The following CACNA1E variants were observed in gnomAD, a reference collection of about 807,000 sequenced individuals.
CACNA1E encodes the protein voltage-dependent R-type calcium channel subunit alpha-1E.
In CACNA1E, 40 loss-of-function variants were observed where a neutral mutation model predicts 259.2. The observed-to-expected ratio is 0.15, with a 90% confidence interval of 0.12 to 0.20. The LOEUF is 0.20. Among genes scored for constraint, CACNA1E ranks in the 10% least tolerant of loss-of-function variants. CACNA1E has a pLI of 1.00. For synonymous variants in CACNA1E, 1,104 were observed against 1,138.5 expected, an observed-to-expected ratio of 0.97 and a Z score of 0.61; for missense variants, 1,874 against 3,040.1, an observed-to-expected ratio of 0.62 and a Z score of 9.02.
chr1:181,418,828 A>G (rs1238487746), intron 2 of CACNA1E, among the ~76,000 whole-genome samples: 1 of 151,768 alleles, frequency 6.6e-6, no homozygotes, highest in African/African-American at 2.4e-5. Flanking sequence ...AGCACCTTTT[A>G]TTATTTTTAT....
chr1:181,465,609 T>C (rs1662106187), intron 2 of CACNA1E, among the ~76,000 whole-genome samples: 1 of 152,208 alleles, frequency 6.6e-6, no homozygotes, highest in Non-Finnish European at 1.5e-5. Context: ...TATAATCTAA[T>C]AGTTAACCTA....
At chr1:181,406,949 C>T (rs1158829167) in intron 1 of CACNA1E, among the ~76,000 whole-genome samples, 1 of 152,160 alleles carries the variant, frequency 6.6e-6, no homozygotes. Context: ...AGAAAACTGA[C>T]CTAGAGAAGT....
Position 181,802,001 on chromosome 1 carries a change from T to A in CACNA1E, c.*3167T>A, listed in dbSNP as rs1370895173. ...ATTTCACTTAAGGCTCCAGACAGACTCCAGGTAGGGAATGCATGCTGTCTC... is the reference window on the plus strand; with the variant it reads ...ATTTCACTTAAGGCTCCAGACAGACACCAGGTAGGGAATGCATGCTGTCTC... On this transcript the variant is annotated 3_prime_UTR_variant, in exon 48 of 48. Transcript: ENST00000367573. 6.6e-6 allele frequency: 1 copy of A among 152,184 alleles called. No homozygotes were observed. Among genetic ancestry groups the A allele is most frequent in the Non-Finnish European group, 1.5e-5 (1 of 68,046 alleles). The allele number at this position is 152,184 out of a possible 1,614,324, so 9.4% of individuals were successfully genotyped here.
chr1:181,387,210 G>A (rs893265284), intron 1 of CACNA1E, among the ~76,000 whole-genome samples: 1 of 152,122 alleles, frequency 6.6e-6, no homozygotes, highest in Non-Finnish European at 1.5e-5. Flanking sequence ...GTGAGGTGGA[G>A]GGAGTTCTCA....
intron 23 of CACNA1E, 90 bp downstream of exon 23, chr1:181,737,744 G>T (rs1051125071): frequency 6.6e-7 from 1 of 1,512,704 alleles, no homozygotes; most frequent in East Asian, 2.3e-5. Flanking sequence ...TGGTAGCAAG[G>T]TTTCTGGGGA....
intron 3 of CACNA1E, among the ~76,000 whole-genome samples, chr1:181,525,071 G>A (rs1183388311): frequency 6.6e-6 from 1 of 152,198 alleles, no homozygotes; most frequent in Non-Finnish European, 1.5e-5. Context: ...TGCCCCCAAG[G>A]AACTTTAAGT....
At chr1:181,696,033 G>A (rs4652673) in intron 7 of CACNA1E, among the ~76,000 whole-genome samples, 104,010 of 151,916 alleles carry the variant, frequency 0.68, 35,741 homozygotes, top group East Asian at 0.79. Flanking sequence ...ATATCTTTGC[G>A]AATTCAGGCG....
intron 1 of CACNA1E, among the ~76,000 whole-genome samples, chr1:181,497,407 T>A (rs1195446081): frequency 6.6e-6 from 1 of 152,220 alleles, no homozygotes; most frequent in Non-Finnish European, 1.5e-5. Context: ...CTTTTTATCT[T>A]ACCTTCGTGT....
intron 7 of CACNA1E, among the ~76,000 whole-genome samples, chr1:181,657,946 A>G (rs758103969): frequency 8.5e-5 from 13 of 152,218 alleles, no homozygotes; most frequent in Non-Finnish European, 1.5e-4. Context: ...TACAACTCCA[A>G]TGTGCACCTT....
At chr1:181,748,483 C>T (rs933608714) in intron 25 of CACNA1E, among the ~76,000 whole-genome samples, 2 of 152,112 alleles carry the variant, frequency 1.3e-5, no homozygotes, top group Non-Finnish European at 2.9e-5. Flanking sequence ...ATGAGCATGA[C>T]CTCTGAGAAC....
intron 1 of CACNA1E, among the ~76,000 whole-genome samples, chr1:181,388,752 G>A (rs1656040592): frequency 1.3e-5 from 2 of 152,142 alleles, no homozygotes; most frequent in Non-Finnish European, 2.9e-5. Flanking sequence ...TTAGCTGGAT[G>A]TGGTGGTGCA....
chr1:181,734,391 T>C (rs1291859706), intron 21 of CACNA1E, among the ~76,000 whole-genome samples: 1 of 151,346 alleles, frequency 6.6e-6, no homozygotes, highest in Non-Finnish European at 1.5e-5. Flanking sequence ...AAAAAAGCAC[T>C]TCCCCACCCC....
intron 3 of CACNA1E, among the ~76,000 whole-genome samples, chr1:181,525,739 A>G (rs545587284): frequency 9.2e-5 from 14 of 152,336 alleles, no homozygotes; most frequent in Admixed American, 8.5e-4. Flanking sequence ...CAACAAATAG[A>G]GTCAGTAGTA....
intron 2 of CACNA1E, among the ~76,000 whole-genome samples, chr1:181,470,708 A>G (rs1289843308): frequency 1.3e-5 from 2 of 152,180 alleles, no homozygotes; most frequent in African/African-American, 4.8e-5. Flanking sequence ...CAAAGCCTAC[A>G]GTTCCCAGGT....
At chr1:181,775,160 A>T (rs1659867890) in intron 37 of CACNA1E, among the ~76,000 whole-genome samples, 1 of 152,192 alleles carries the variant, frequency 6.6e-6, no homozygotes. Context: ...ATACCATTTT[A>T]TTGGTTTTGA....
chr1:181,377,959 A>G (rs961314706), intron 1 of CACNA1E, among the ~76,000 whole-genome samples: 4 of 152,240 alleles, frequency 2.6e-5, no homozygotes, highest in South Asian at 4.1e-4. Context: ...CAACATATAG[A>G]CATAAATAAA....
intron 1 of CACNA1E, among the ~76,000 whole-genome samples, chr1:181,348,338 T>G (rs903743309): frequency 6.6e-6 from 1 of 152,010 alleles, no homozygotes; most frequent in Non-Finnish European, 1.5e-5. Context: ...AACTTAGAGC[T>G]TCCAAGCCTG....
At position 181,342,559 on chromosome 1, in the gene CACNA1E, G is replaced by T. The variant is rs538866186; in HGVS notation, c.-15+24436G>T. 6.6e-5 allele frequency among the ~76,000 whole-genome samples: 10 copies of T among 152,284 alleles called. No individual in the cohort carries two copies. In the East Asian group the frequency reaches 1.7e-3, roughly 26 times the overall value. On this transcript the variant is annotated intron_variant, in intron 1 of 11. Transcript: ENST00000524607. Reference sequence around the variant, plus strand: ...TGAATTTCCTAAATATCATGCTGAGGGAAAGAAGCCCAACAGAACAGAATC... The same window carrying T: ...TGAATTTCCTAAATATCATGCTGAGTGAAAGAAGCCCAACAGAACAGAATC...
intron 6 of CACNA1E, among the ~76,000 whole-genome samples, chr1:181,617,763 A>G (rs1655355281): frequency 6.6e-6 from 1 of 152,140 alleles, no homozygotes; most frequent in African/African-American, 2.4e-5. Flanking sequence ...AAGAGCCCAA[A>G]TGACTCCTGG....
Sources: allele counts gnomAD v4.1 joint callset (sites outside exome capture counted in the v4.1 genomes callset), GRCh38; gene constraint gnomAD v4.1.1; transcripts MANE v1.5; gene names NCBI Gene and HGNC (gene_info 2026-07-23, HGNC 2026-07-21).